MYO3A: variants seen among roughly 807,000 people sequenced by gnomAD.
MYO3A encodes the protein myosin-IIIa.
Under a neutral mutation model 192.7 loss-of-function variants are expected in MYO3A, and 180 were observed. The observed-to-expected ratio is 0.93, with a 90% CI of 0.83 to 1.06. MYO3A has a LOEUF of 1.06. Ranked by LOEUF, MYO3A falls within the 50% of genes least tolerant of loss-of-function variation. MYO3A has a pLI of 0.00. For missense variants in MYO3A, 1,896 were observed against 1,905.0 expected (o/e 1.00, Z 0.09); for synonymous variants, 628 against 645.3 (o/e 0.97, Z 0.41).
intron 31 of MYO3A, among the ~76,000 whole-genome samples, chr10:26,189,501 T>G (rs996379113): frequency 6.6e-6 from 1 of 152,168 alleles, no homozygotes; most frequent in African/African-American, 2.4e-5. Context: ...TGAACAAGCT[T>G]AAGATTTCAG....
At chr10:26,070,524 A>G in intron 14 of MYO3A, 123 bp downstream of exon 14, 1 of 890,802 alleles carries the variant, frequency 1.1e-6, no homozygotes. Flanking sequence ...ATTTTAAAAT[A>G]CAGTTGTTAT....
Position 26,065,842 on chromosome 10 carries a change from G to A in MYO3A, c.954-1133G>A, listed in dbSNP as rs1285212988. 1.8e-5 allele frequency among the ~76,000 whole-genome samples: 2 copies of A among 112,338 alleles called. 1 individual carries two copies. Among genetic ancestry groups the A allele is most frequent in the Non-Finnish European group, 4.3e-5 (2 of 46,088 alleles). 73.7% of individuals were successfully genotyped at this position (112,338 alleles called of 152,430 possible). On this transcript the variant is annotated intron_variant, in intron 10 of 34. Transcript: ENST00000642920. ...GTATACAAAAAGAGCAGTGGGCCGGGCGCGGTGGCTCACGCCTGTAATCCC... is the reference window on the plus strand; with the variant it reads ...GTATACAAAAAGAGCAGTGGGCCGGACGCGGTGGCTCACGCCTGTAATCCC...
Position 26,174,023 on chromosome 10 carries a change from A to G in MYO3A, c.3759A>G (p.Ser1253=). The G allele has an allele frequency of 6.2e-7, 1 of 1,612,904 alleles. No homozygotes were observed. The highest frequency in any genetic ancestry group is 8.5e-7 in the Non-Finnish European group (1 of 1,179,772). Residue 1253 remains serine, a synonymous_variant, in exon 30 of 35, where the codon TCA becomes TCG. Transcript: ENST00000642920. ...CAGAGGAGAGGAATTGTGAAGAGTC[A>G]AAAGCAGCATATCTAGAAAGGAAGG... ...RYTEERNCEE[S]KAAYLERKAI...
intron 4 of MYO3A, among the ~76,000 whole-genome samples, chr10:25,987,551 G>T (rs1432026562): frequency 6.6e-6 from 1 of 152,082 alleles, no homozygotes; most frequent in Non-Finnish European, 1.5e-5. Context: ...CTAAAGACAT[G>T]AGTAAACAAT....
Position 26,145,527 on chromosome 10 carries a change from C to T in MYO3A, c.2498C>T (p.Ala833Val), listed in dbSNP as rs1840411225. The change falls in exon 22 of 35, where the codon GCA (alanine) becomes GTA (valine). Residue 833 changes from alanine to valine, a missense_variant. Transcript: ENST00000642920. ...CTTAGTTTTGGAATTCACCATTATG[C>T]AGGAAAGGTAAGAACTCTAAAGAAT... The part of the protein sequence containing the change: ...MELSFGIHHY[A>V]GKVLYNASGF... The T allele has an allele frequency of 6.3e-7, 1 of 1,590,960 alleles. No individual in the cohort carries two copies. The highest frequency in any genetic ancestry group is 8.6e-7 in the Non-Finnish European group (1 of 1,158,964).
In MYO3A at chr10:26,108,666, A is replaced by T. The variant is rs193216260; in HGVS notation, c.1776+11984A>T. Reference sequence around the variant, plus strand: ...GTAAAGATGTAAGTGCTTTTGGCATATTCTCCAAATAGGGAAATTCTGCTC... The same window carrying T: ...GTAAAGATGTAAGTGCTTTTGGCATTTTCTCCAAATAGGGAAATTCTGCTC... On this transcript the variant is annotated intron_variant, in intron 17 of 34. Transcript: ENST00000642920. Among the ~76,000 whole-genome samples, 32 of 152,332 alleles carry T rather than the reference A, an allele frequency of 2.1e-4. 1 individual carries two copies. Among genetic ancestry groups the T allele is most frequent in the African/African-American group, 7.5e-4 (31 of 41,588 alleles).
chr10:25,945,912 C>T (rs1171421839), intron 2 of MYO3A, among the ~76,000 whole-genome samples: 1 of 152,094 alleles, frequency 6.6e-6, no homozygotes, highest in African/African-American at 2.4e-5. Flanking sequence ...GGGGATTATA[C>T]ATAACATCCT....
chr10:25,995,562 G>A (rs1486603604), intron 4 of MYO3A, among the ~76,000 whole-genome samples: 1 of 152,172 alleles, frequency 6.6e-6, no homozygotes, highest in Non-Finnish European at 1.5e-5. Context: ...GCGTTCCTTT[G>A]GAGGAGGAGA....
At chr10:26,008,941 C>T (rs565943600) in intron 6 of MYO3A, among the ~76,000 whole-genome samples, 13 of 151,488 alleles carry the variant, frequency 8.6e-5, no homozygotes, top group East Asian at 1.9e-4. Context: ...ATGTTTATTG[C>T]GGCACTATTC....
chr10:26,017,988 A>T (rs1039834480), intron 7 of MYO3A, among the ~76,000 whole-genome samples: 5 of 147,036 alleles, frequency 3.4e-5, no homozygotes, highest in African/African-American at 1.3e-4. Flanking sequence ...ATATTAATAT[A>T]ATAATAAATA....
At chr10:25,942,101 A>C in intron 2 of MYO3A, among the ~76,000 whole-genome samples, 1 of 151,700 alleles carries the variant, frequency 6.6e-6, no homozygotes, top group Non-Finnish European at 1.5e-5. Flanking sequence ...TCCTGGGTTC[A>C]AGTGATGCCT....
intron 15 of MYO3A, among the ~76,000 whole-genome samples, chr10:26,092,121 A>C (rs941342199): frequency 3.9e-5 from 6 of 152,230 alleles, no homozygotes; most frequent in African/African-American, 1.4e-4. Flanking sequence ...AGCTGTGATT[A>C]AAAAGGAAAA....
intron 27 of MYO3A, among the ~76,000 whole-genome samples, chr10:26,168,157 C>A (rs1043849627): frequency 3.9e-5 from 6 of 152,250 alleles, no homozygotes; most frequent in African/African-American, 1.4e-4. Flanking sequence ...CTTCTCTTGG[C>A]CTTATTCTCT....
At chr10:26,199,513 T>C (rs904560085) in intron 32 of MYO3A, among the ~76,000 whole-genome samples, 2 of 151,762 alleles carry the variant, frequency 1.3e-5, no homozygotes, top group African/African-American at 4.9e-5. Flanking sequence ...GAAGTTGCAG[T>C]GAGCCGAGAT....
intron 4 of MYO3A, among the ~76,000 whole-genome samples, chr10:25,957,666 C>T (rs762484651): frequency 2.0e-5 from 3 of 152,170 alleles, no homozygotes; most frequent in Non-Finnish European, 4.4e-5. Flanking sequence ...GAGGAATCAT[C>T]ACACTGTTTT....
At chr10:26,059,379 G>A (rs1193302703) in intron 10 of MYO3A, among the ~76,000 whole-genome samples, 1 of 152,182 alleles carries the variant, frequency 6.6e-6, no homozygotes, top group East Asian at 1.9e-4. Flanking sequence ...TTTACTGGGA[G>A]TTTTTATCAT....
At chr10:26,132,514 G>A (rs1271465973) in intron 20 of MYO3A, among the ~76,000 whole-genome samples, 1 of 152,138 alleles carries the variant, frequency 6.6e-6, no homozygotes, top group Non-Finnish European at 1.5e-5. Context: ...GTTCTTAAGG[G>A]CCAGTGAGCA....
At position 26,128,444 on chromosome 10, in the gene MYO3A, A is replaced by T. The variant is rs771154512; in HGVS notation, c.2168A>T (p.Asn723Ile). The change falls in exon 20 of 35, where the codon AAT (asparagine) becomes ATT (isoleucine). Residue 723 changes from asparagine (N) to isoleucine (I), a missense_variant. Physicochemically the swap from Asn to Ile is moderately radical, Grantham distance 149. Coordinates refer to ENST00000642920, the MANE Select transcript of MYO3A (RefSeq NM_017433.5). ...IGILDIFGFENFKKNSFEQLC... is the reference protein window; with the variant it reads ...IGILDIFGFEIFKKNSFEQLC... ...ATTCTTGATATATTTGGCTTTGAAA[A>T]TTTCAAAAAAAATTCCTTCGAGCAG... The T allele has an allele frequency of 1.2e-6, 2 of 1,612,926 alleles. No homozygotes were observed. Among genetic ancestry groups the T allele is most frequent in the East Asian group, 2.2e-5 (1 of 44,766 alleles).
intron 17 of MYO3A, among the ~76,000 whole-genome samples, chr10:26,103,406 A>G (rs1221314533): frequency 1.3e-5 from 2 of 152,180 alleles, no homozygotes; most frequent in Non-Finnish European, 2.9e-5. Context: ...GACAAGCCCC[A>G]GTGAGATGAA....
Sources: gnomAD v4.1 joint callset for allele counts (sites outside exome capture counted in the v4.1 genomes callset) on GRCh38, gnomAD v4.1.1 for gene constraint, MANE v1.5 for transcripts, NCBI Gene and HGNC (gene_info 2026-07-23, HGNC 2026-07-21) for gene names.